NKIRAS1: variants seen among roughly 807,000 people sequenced by gnomAD.
The protein encoded by NKIRAS1 is NFKB inhibitor interacting Ras like 1.
A neutral mutation model predicts 19.8 loss-of-function variants in NKIRAS1; 16 were observed. The observed-to-expected ratio is 0.81, with a 90% confidence interval of 0.55 to 1.23. The LOEUF is 1.23. Ranked by LOEUF, NKIRAS1 falls within the 50% of genes most tolerant of loss-of-function variation. The probability of loss-of-function intolerance (pLI) is 0.00; values close to 1 mark genes in which losing one functional copy is unlikely to be tolerated. For synonymous variants in NKIRAS1, 88 were observed against 79.0 expected, an observed-to-expected ratio of 1.11 and a Z score of -0.61; for missense variants, 184 against 220.0, an observed-to-expected ratio of 0.84 and a Z score of 1.04.
intron 3 of NKIRAS1, among the ~76,000 whole-genome samples, chr3:23,902,258 G>A (rs565496383): frequency 3.3e-5 from 5 of 152,044 alleles, no homozygotes; most frequent in East Asian, 1.9e-4. Context: ...TACATGAAAT[G>A]TCCGTTAAGT....
intron 1 of NKIRAS1, among the ~76,000 whole-genome samples, chr3:23,915,065 T>C (rs1704190954): frequency 6.6e-6 from 1 of 152,236 alleles, no homozygotes; most frequent in African/African-American, 2.4e-5. Context: ...CCTGTGAATA[T>C]GTTTACTTTA....
At chr3:23,946,140 T>A in intron 1 of NKIRAS1, 3 of 984,914 alleles carry the variant, frequency 3.0e-6, no homozygotes, top group African/African-American at 1.7e-5. Flanking sequence ...CCCGCGGGGT[T>A]GCACACTGCG....
intron 1 of NKIRAS1, among the ~76,000 whole-genome samples, chr3:23,942,286 G>T (rs1161746853): frequency 1.3e-5 from 2 of 151,800 alleles, no homozygotes; most frequent in Non-Finnish European, 1.5e-5. Context: ...GCCTAGAGCA[G>T]TACTGTGAAC....
chr3:23,937,813 T>C (rs1705422774), intron 1 of NKIRAS1, among the ~76,000 whole-genome samples: 1 of 152,224 alleles, frequency 6.6e-6, no homozygotes, highest in African/African-American at 2.4e-5. Context: ...ATGAAGTATC[T>C]TGGCCAGATG....
chr3:23,944,364 GC>G (rs1705570390), intron 1 of NKIRAS1, among the ~76,000 whole-genome samples: 1 of 152,122 alleles, frequency 6.6e-6, no homozygotes, highest in Non-Finnish European at 1.5e-5. Flanking sequence ...AGTTTTACAA[GC>G]AACACCCATA....
intron 1 of NKIRAS1, among the ~76,000 whole-genome samples, chr3:23,912,260 T>C (rs1703820447): frequency 6.6e-6 from 1 of 152,074 alleles, no homozygotes; most frequent in Non-Finnish European, 1.5e-5. Flanking sequence ...ACAGGCAACC[T>C]ACAGAATGGG....
chr3:23,945,844 C>G (rs1392636891), intron 1 of NKIRAS1, among the ~76,000 whole-genome samples: 2 of 150,740 alleles, frequency 1.3e-5, no homozygotes, highest in African/African-American at 2.4e-5. Flanking sequence ...TCACATGGCC[C>G]GGCCGCGCGA....
intron 3 of NKIRAS1, among the ~76,000 whole-genome samples, chr3:23,902,077 AAAT>A (rs992220637): frequency 3.3e-5 from 5 of 152,208 alleles, no homozygotes; most frequent in Non-Finnish European, 7.3e-5. Flanking sequence ...CCGTCTCAAA[AAAT>A]AATAATAAAA....
rs879338585 is a variant in NKIRAS1 at position 23,926,934 on chromosome 3, C to T, written c.-139-15484G>A. 4.6e-5 allele frequency among the ~76,000 whole-genome samples: 7 copies of T among 152,150 alleles called. No individual in the cohort carries two copies. Among genetic ancestry groups the T allele is most frequent in the Non-Finnish European group, 1.0e-4 (7 of 68,040 alleles). ...GGCCTGAAATACCAATAGGGGGTGACATGCACCAACAAGCTACACTTTGAC... is the reference window on the plus strand; with the variant it reads ...GGCCTGAAATACCAATAGGGGGTGATATGCACCAACAAGCTACACTTTGAC... On this transcript the variant is annotated intron_variant, in intron 1 of 4. Coordinates refer to the NKIRAS1 transcript ENST00000421515. The surrounding 1 kb of genome is among the most constrained non-coding windows in gnomAD (Gnocchi z 4.3).
upstream of NKIRAS1, chr3:23,920,461 G>A (rs1188486686): frequency 1.0e-6 from 1 of 985,258 alleles, no homozygotes; most frequent in East Asian, 1.1e-4. Flanking sequence ...ATTCCACAAA[G>A]TTGGACCATC....
At chr3:23,912,242 C>G (rs912880503) in intron 1 of NKIRAS1, among the ~76,000 whole-genome samples, 2 of 152,276 alleles carry the variant, frequency 1.3e-5, no homozygotes, top group South Asian at 4.1e-4. Context: ...AAACTACCAT[C>G]AGAGTCAACA....
In NKIRAS1 at chr3:23,926,343, C is replaced by T. The variant is rs1037249121; in HGVS notation, c.-139-14893G>A. On this transcript the variant is annotated intron_variant, in intron 1 of 4. Coordinates refer to the NKIRAS1 transcript ENST00000421515. The surrounding 1 kb of genome is among the most constrained non-coding windows in gnomAD (Gnocchi z 4.3). The stretch of plus-strand genomic sequence containing the variant: ...CTGGGATTATAGGTATGAGCCATGG[C>T]GCCCGGCCATAGTACTGACTTAGAC... Among the ~76,000 whole-genome samples, 5 of 152,120 alleles carry T rather than the reference C, an allele frequency of 3.3e-5. No individual in the cohort carries two copies. The highest frequency in any genetic ancestry group is 6.6e-5 in the Admixed American group (1 of 15,258).
chr3:23,944,842 T>C (rs897241218), intron 1 of NKIRAS1, among the ~76,000 whole-genome samples: 1 of 7,624 alleles, frequency 1.3e-4, no homozygotes, highest in Non-Finnish European at 2.8e-4. Flanking sequence ...GAGCGGGGGG[T>C]GGGGGTGGGG....
chr3:23,923,659 T>C (rs1479554621), intron 1 of NKIRAS1: 2 of 152,264 alleles, frequency 1.3e-5, no homozygotes, highest in African/African-American at 4.8e-5. Flanking sequence ...TGTGCATACA[T>C]CTTTATTCAT....
intron 1 of NKIRAS1, among the ~76,000 whole-genome samples, chr3:23,930,250 TGAC>T (rs1705284165): frequency 6.6e-6 from 1 of 152,148 alleles, no homozygotes; most frequent in Admixed American, 6.6e-5. Context: ...AGCAACACCC[TGAC>T]AGCCATGGCG....
chr3:23,944,130 G>A (rs1421883619), intron 1 of NKIRAS1, among the ~76,000 whole-genome samples: 1 of 152,192 alleles, frequency 6.6e-6, no homozygotes, highest in Non-Finnish European at 1.5e-5. Context: ...GAATAGCTCA[G>A]ACTTGCTAAT....
chr3:23,920,593 A>C, upstream of NKIRAS1: 1 of 985,260 alleles, frequency 1.0e-6, no homozygotes, highest in African/African-American at 1.7e-5. Context: ...AAATGTAGAC[A>C]AGGAATTGCC....
At position 23,914,494 on chromosome 3, in the gene NKIRAS1, T is replaced by A. The variant is rs143057753; in HGVS notation, c.-140+2290A>T. Among the ~76,000 whole-genome samples, 570 of 152,366 alleles carry A rather than the reference T, an allele frequency of 3.7e-3. 6 individuals are homozygous for A. Among genetic ancestry groups the A allele is most frequent in the Non-Finnish European group, 2.9e-3 (194 of 68,034 alleles). ...AGTGTGGAATACTTTCACTTATCCA[T>A]ATATGAATATATTTACATACATAAA... On this transcript the variant is annotated intron_variant, in intron 1 of 4. Coordinates refer to ENST00000425478, the MANE Select transcript of NKIRAS1 (RefSeq NM_020345.4).
rs1435043385 is a variant in NKIRAS1, at chr3:23,926,177, A to G, written c.-139-14727T>C. ...GCAATTCTCCCTGCCTCAGCCTCCC[A>G]AGTAGCTGGGATTACAGGCACCCGC... On this transcript the variant is annotated intron_variant, in intron 1 of 4. Coordinates refer to the NKIRAS1 transcript ENST00000421515. The surrounding 1 kb of genome is among the most constrained non-coding windows in gnomAD (Gnocchi z 4.3). Among the ~76,000 whole-genome samples the G allele has an allele frequency of 6.6e-6, 1 of 152,004 alleles. No individual in the cohort carries two copies. Among genetic ancestry groups the G allele is most frequent in the Admixed American group, 6.6e-5 (1 of 15,254 alleles).
Sources: gnomAD v4.1 joint callset for allele counts (sites outside exome capture counted in the v4.1 genomes callset) on GRCh38, gnomAD v4.1.1 for gene constraint, Gnocchi (gnomAD v3.1) non-coding constraint, MANE v1.5 for transcripts, NCBI Gene and HGNC (gene_info 2026-07-23, HGNC 2026-07-21) for gene names.